GRK5: variants seen among roughly 807,000 people sequenced by gnomAD.
The protein encoded by GRK5 is g protein-coupled receptor kinase GRK5.
A neutral mutation model predicts 78.4 loss-of-function variants in GRK5; 40 were observed. The observed-to-expected ratio is 0.51, with a 90% confidence interval of 0.40 to 0.66. The LOEUF (loss-of-function observed/expected upper bound fraction) is 0.66. Among genes scored for constraint, GRK5 ranks in the 30% least tolerant of loss-of-function variants. GRK5 has a pLI of 0.00. For synonymous variants in GRK5, 289 were observed against 296.8 expected (o/e 0.97, Z 0.27); for missense variants, 598 against 759.9 (o/e 0.79, Z 2.50).
At position 119,442,096 on chromosome 10, in the gene GRK5, C is replaced by A. The variant is rs1170330025; in HGVS notation, c.1057+8C>A. On this transcript the variant is annotated splice_region_variant and intron_variant, in intron 11 of 15. Transcript: ENST00000392870. ...GCACTGTTGGCTACATGGGTGAGTGCTGGGCTGCCTGTGTCAATGCACCTT... is the reference window on the plus strand; with the variant it reads ...GCACTGTTGGCTACATGGGTGAGTGATGGGCTGCCTGTGTCAATGCACCTT... 1.1e-5 allele frequency: 18 copies of A among 1,611,516 alleles called. No homozygotes were observed. Among genetic ancestry groups the A allele is most frequent in the Non-Finnish European group, 1.4e-5 (16 of 1,177,936 alleles).
At chr10:119,337,837 G>A (rs1220894880) in intron 2 of GRK5, among the ~76,000 whole-genome samples, 1 of 151,990 alleles carries the variant, frequency 6.6e-6, no homozygotes, top group Admixed American at 6.6e-5. Flanking sequence ...TGCCAGGCTG[G>A]TTTTGAACTC....
At chr10:119,268,752 G>C (rs1287634780) in intron 1 of GRK5, among the ~76,000 whole-genome samples, 1 of 152,220 alleles carries the variant, frequency 6.6e-6, no homozygotes, top group Non-Finnish European at 1.5e-5. Flanking sequence ...TCAGGACACT[G>C]AGGAAAGGCT....
chr10:119,260,133 G>A (rs910631394), intron 1 of GRK5, among the ~76,000 whole-genome samples: 3 of 152,024 alleles, frequency 2.0e-5, no homozygotes, highest in African/African-American at 4.8e-5. Flanking sequence ...CCAAGTAGCT[G>A]GGACTACAGG....
chr10:119,313,076 G>A (rs60494898), intron 1 of GRK5, among the ~76,000 whole-genome samples: 19 of 150,534 alleles, frequency 1.3e-4, no homozygotes, highest in East Asian at 1.0e-3. Context: ...TGGTGATGGT[G>A]GTGGTGGTGG....
intron 1 of GRK5, among the ~76,000 whole-genome samples, chr10:119,283,407 T>G (rs972425010): frequency 6.6e-6 from 1 of 152,178 alleles, no homozygotes; most frequent in East Asian, 1.9e-4. Context: ...TCCCCTAACC[T>G]GCACCCCTCC....
intron 1 of GRK5, among the ~76,000 whole-genome samples, chr10:119,307,848 C>T (rs1051959906): frequency 6.6e-6 from 1 of 152,132 alleles, no homozygotes; most frequent in African/African-American, 2.4e-5. Context: ...ACAGAGCCCT[C>T]CTTGGCCATT....
chr10:119,313,146 G>A (rs113902230), intron 1 of GRK5, among the ~76,000 whole-genome samples: 14 of 150,304 alleles, frequency 9.3e-5, no homozygotes, highest in African/African-American at 3.2e-4. Flanking sequence ...GATGGTAGTG[G>A]TGATGGTGGT....
At chr10:119,358,435 T>C (rs922148313) in intron 2 of GRK5, among the ~76,000 whole-genome samples, 4 of 152,184 alleles carry the variant, frequency 2.6e-5, no homozygotes, top group Non-Finnish European at 5.9e-5. Context: ...ATCCATCTCA[T>C]GCCTCCACCC....
intron 1 of GRK5, among the ~76,000 whole-genome samples, chr10:119,312,629 G>A (rs1396950765): frequency 1.3e-5 from 2 of 152,174 alleles, no homozygotes; most frequent in East Asian, 3.9e-4. Flanking sequence ...CTGGAATGGA[G>A]TGAGTAGAGG....
At chr10:119,291,944 TTTCCTCCTTCTCCTCCTC>T (rs1253704955) in intron 1 of GRK5, among the ~76,000 whole-genome samples, 15 of 114,266 alleles carry the variant, frequency 1.3e-4, no homozygotes, top group African/African-American at 4.8e-4. Flanking sequence ...TCCTCCTCTT[TTTCCTCCTTCTCCTCCTC>T]TTCCTCCTTC....
At chr10:119,374,413 G>A (rs1851593154) in intron 2 of GRK5, among the ~76,000 whole-genome samples, 1 of 152,180 alleles carries the variant, frequency 6.6e-6, no homozygotes, top group Non-Finnish European at 1.5e-5. Flanking sequence ...AGGCAAGCGA[G>A]GTCTCTCCCA....
intron 3 of GRK5, among the ~76,000 whole-genome samples, chr10:119,384,943 G>A (rs1851769048): frequency 2.0e-5 from 3 of 152,230 alleles, no homozygotes; most frequent in Admixed American, 2.0e-4. Context: ...GGGGAGGCTG[G>A]TTGTATCATG....
At chr10:119,433,194 T>G (rs1394737506) in intron 8 of GRK5, among the ~76,000 whole-genome samples, 1 of 152,152 alleles carries the variant, frequency 6.6e-6, no homozygotes, top group African/African-American at 2.4e-5. Context: ...GGGGTGCAGG[T>G]GTGGGCAGTG....
chr10:119,436,701 G>C lies in GRK5; in HGVS notation c.789G>C (p.Leu263=). The C allele has an allele frequency of 3.7e-6, 6 of 1,614,234 alleles. 1 individual carries two copies. In the South Asian group the frequency reaches 4.4e-5, roughly 12 times the overall value. Residue 263 remains leucine (L), a synonymous_variant, in exon 9 of 16, where the codon CTG becomes CTC. Transcript: ENST00000392870. ...YETKDALCLV[L]TIMNGGDLKF... ...CCAAGGATGCACTGTGCTTGGTCCTGACCATCATGAATGGGGGTGACCTGA... is the reference window on the plus strand; with the variant it reads ...CCAAGGATGCACTGTGCTTGGTCCTCACCATCATGAATGGGGGTGACCTGA...
At chr10:119,444,230 GT>G (rs1451636513) in intron 12 of GRK5, among the ~76,000 whole-genome samples, 1 of 152,146 alleles carries the variant, frequency 6.6e-6, no homozygotes, top group Admixed American at 6.5e-5. Context: ...TTATAACAAA[GT>G]TTTCCACCAC....
chr10:119,447,284 C>A (rs1281147090), intron 12 of GRK5, among the ~76,000 whole-genome samples: 1 of 152,238 alleles, frequency 6.6e-6, no homozygotes, highest in Non-Finnish European at 1.5e-5. Context: ...CCTCAACCAT[C>A]CCTGGCTCCT....
intron 3 of GRK5, among the ~76,000 whole-genome samples, chr10:119,390,645 A>T (rs1388780484): frequency 3.3e-5 from 5 of 152,214 alleles, no homozygotes; most frequent in Admixed American, 3.3e-4. Context: ...CAGTGAGCCG[A>T]GATTGCACCA....
chr10:119,376,561 C>CTTTTTTT (rs3064490), intron 2 of GRK5, among the ~76,000 whole-genome samples: 1 of 104,362 alleles, frequency 9.6e-6, no homozygotes, highest in African/African-American at 3.8e-5. Context: ...TCCCTAATGC[C>CTTTTTTT]TTTTTTTTTT....
At chr10:119,218,648 G>A (rs1278410887) in intron 1 of GRK5, among the ~76,000 whole-genome samples, 1 of 152,194 alleles carries the variant, frequency 6.6e-6, no homozygotes, top group East Asian at 1.9e-4. Context: ...AAGAATAGGG[G>A]TGGAGTAAGG....
Sources: allele counts gnomAD v4.1 joint callset (sites outside exome capture counted in the v4.1 genomes callset), GRCh38; gene constraint gnomAD v4.1.1; transcripts MANE v1.5; gene names NCBI Gene and HGNC (gene_info 2026-07-23, HGNC 2026-07-21).